SDK1: variants seen among roughly 807,000 people sequenced by gnomAD.
SDK1 encodes protein sidekick-1.
In SDK1, 157 loss-of-function variants were observed where a neutral mutation model predicts 245.5. The observed-to-expected ratio is 0.64, with a 90% CI of 0.56 to 0.73. SDK1 has a LOEUF of 0.73. Among genes scored for constraint, SDK1 ranks in the 30% least tolerant of loss-of-function variants. The pLI is 0.00. For synonymous variants in SDK1, 1,647 were observed against 1,278.5 expected (o/e 1.29, Z -6.15); for missense variants, 3,583 against 3,002.3 (o/e 1.19, Z -4.52).
At chr7:3,749,689 G>T (rs556972872) in intron 4 of SDK1, among the ~76,000 whole-genome samples, 2 of 152,294 alleles carry the variant, frequency 1.3e-5, no homozygotes, top group South Asian at 4.1e-4. Context: ...TCTTGCCCCT[G>T]TGCCAGCTAG....
intron 4 of SDK1, among the ~76,000 whole-genome samples, chr7:3,720,549 A>G (rs996533095): frequency 1.1e-4 from 16 of 152,224 alleles, no homozygotes; most frequent in Non-Finnish European, 2.4e-4. Flanking sequence ...AACCCATCAG[A>G]ATGGATAAAA....
chr7:3,474,390 G>A (rs971336895), intron 1 of SDK1, among the ~76,000 whole-genome samples: 4 of 151,926 alleles, frequency 2.6e-5, no homozygotes, highest in Admixed American at 6.6e-5. Flanking sequence ...TACTGTGCCC[G>A]GCCATCTCTA....
At chr7:3,686,210 G>A (rs975347262) in intron 4 of SDK1, among the ~76,000 whole-genome samples, 3 of 152,104 alleles carry the variant, frequency 2.0e-5, no homozygotes, top group African/African-American at 7.2e-5. Flanking sequence ...CGAGTAGCTG[G>A]GATTACAGGC....
chr7:3,759,541 T>G (rs1780032888), intron 4 of SDK1, among the ~76,000 whole-genome samples: 1 of 151,722 alleles, frequency 6.6e-6, no homozygotes, highest in South Asian at 2.1e-4. Context: ...ATATGTTGAA[T>G]TTTCTTTTTA....
intron 25 of SDK1, 119 bp from the exon 26 acceptor site, chr7:4,127,262 A>G: frequency 1.3e-6 from 1 of 763,626 alleles, no homozygotes; most frequent in African/African-American, 1.7e-5. Flanking sequence ...TGATCACTAC[A>G]AAATGCTTAG....
rs375423261 is a variant in SDK1, at chr7:3,940,678, G to C, written c.848-10245G>C. ...TCTACTAAAAATACAAAAAATAGCC[G>C]GGTGTCGTGGCAGGCGCCTGTAATC... On this transcript the variant is annotated intron_variant, in intron 5 of 44. Coordinates refer to ENST00000404826, the MANE Select transcript of SDK1 (RefSeq NM_152744.4). Among the ~76,000 whole-genome samples, 8 of 152,100 alleles carry C rather than the reference G, an allele frequency of 5.3e-5. 1 individual carries two copies. The East Asian group carries it at 1.6e-3, about 30-fold the overall frequency.
At chr7:3,388,988 C>T (rs67691723) in intron 1 of SDK1, among the ~76,000 whole-genome samples, 2 of 152,092 alleles carry the variant, frequency 1.3e-5, no homozygotes, top group African/African-American at 4.8e-5. Context: ...TAGCATTATC[C>T]TGTGATACAG....
chr7:3,915,330 T>C (rs763856053), intron 5 of SDK1, among the ~76,000 whole-genome samples: 2 of 152,198 alleles, frequency 1.3e-5, no homozygotes, highest in African/African-American at 4.8e-5. Flanking sequence ...GGTTTGGCTG[T>C]GTCCCCACCC....
intron 4 of SDK1, among the ~76,000 whole-genome samples, chr7:3,793,591 A>G (rs974021079): frequency 1.3e-5 from 2 of 152,148 alleles, no homozygotes; most frequent in African/African-American, 2.4e-5. Context: ...TGTCGATTCT[A>G]TAGCTGTTGT....
intron 1 of SDK1, among the ~76,000 whole-genome samples, chr7:3,342,059 A>G (rs1780362403): frequency 6.6e-6 from 1 of 152,216 alleles, no homozygotes; most frequent in Non-Finnish European, 1.5e-5. Flanking sequence ...AGATACACAG[A>G]TCAATGCGGT....
intron 5 of SDK1, among the ~76,000 whole-genome samples, chr7:3,871,081 G>A (rs1327017087): frequency 6.6e-6 from 1 of 151,746 alleles, no homozygotes; most frequent in Non-Finnish European, 1.5e-5. Context: ...TTTTTCATCA[G>A]CATTTTGTAG....
chr7:3,910,781 C>T (rs1355618865), intron 5 of SDK1, among the ~76,000 whole-genome samples: 1 of 152,190 alleles, frequency 6.6e-6, no homozygotes, highest in Non-Finnish European at 1.5e-5. Context: ...GCTGATGATT[C>T]CTCTCCTTGC....
chr7:4,235,256 C>T (rs898749208), intron 41 of SDK1, among the ~76,000 whole-genome samples: 1 of 152,132 alleles, frequency 6.6e-6, no homozygotes, highest in African/African-American at 2.4e-5. Context: ...CCTCCGTCTC[C>T]CGGGTTCAAG....
intron 14 of SDK1, among the ~76,000 whole-genome samples, chr7:3,996,178 T>A (rs1007912340): frequency 2.6e-5 from 4 of 152,206 alleles, no homozygotes; most frequent in African/African-American, 4.8e-5. Context: ...TTATGGTGTC[T>A]CCCTCTTTTT....
intron 22 of SDK1, among the ~76,000 whole-genome samples, chr7:4,083,492 C>A (rs978234030): frequency 6.8e-6 from 1 of 148,118 alleles, no homozygotes; most frequent in Non-Finnish European, 1.5e-5. Flanking sequence ...ACTGGAAGTT[C>A]ATTGCAAAGA....
intron 4 of SDK1, among the ~76,000 whole-genome samples, chr7:3,645,351 A>G (rs1296288529): frequency 6.6e-6 from 1 of 152,210 alleles, no homozygotes; most frequent in Non-Finnish European, 1.5e-5. Flanking sequence ...CTGATTATGG[A>G]TATTTACACT....
intron 4 of SDK1, among the ~76,000 whole-genome samples, chr7:3,709,558 G>T (rs181359968): frequency 6.6e-5 from 10 of 152,276 alleles, no homozygotes; most frequent in Admixed American, 2.6e-4. Context: ...TTCTTTCAAA[G>T]GGTCTGTGGT....
At chr7:3,775,112 T>C (rs978839844) in intron 4 of SDK1, among the ~76,000 whole-genome samples, 3 of 152,212 alleles carry the variant, frequency 2.0e-5, no homozygotes, top group Non-Finnish European at 4.4e-5. Flanking sequence ...TTACAAAGGC[T>C]CAACTGGCAA....
intron 1 of SDK1, among the ~76,000 whole-genome samples, chr7:3,423,571 G>A (rs1407338981): frequency 1.4e-5 from 2 of 139,550 alleles, no homozygotes; most frequent in African/African-American, 6.0e-5. Flanking sequence ...GGAAACAGTG[G>A]CTTTTTTTTT....
Sources: allele counts gnomAD v4.1 joint callset (sites outside exome capture counted in the v4.1 genomes callset), GRCh38; gene constraint gnomAD v4.1.1; transcripts MANE v1.5; gene names NCBI Gene and HGNC (gene_info 2026-07-23, HGNC 2026-07-21).